PKHD1: variants seen among roughly 807,000 people sequenced by gnomAD.
PKHD1 encodes fibrocystin.
In PKHD1, 291 loss-of-function variants were observed where a neutral mutation model predicts 412.0. The ratio of observed to expected loss-of-function variants is 0.71; its 90% CI spans 0.64 to 0.78. PKHD1 has a LOEUF of 0.78. Among genes scored for constraint, PKHD1 ranks in the 30% least tolerant of loss-of-function variants. The pLI, the probability that PKHD1 is intolerant of heterozygous loss-of-function variation, is 0.00. For missense variants in PKHD1, 4,825 were observed against 4,950.7 expected, an observed-to-expected ratio of 0.97 and a Z score of 0.76; for synonymous variants, 1,777 against 1,821.5, an observed-to-expected ratio of 0.98 and a Z score of 0.62.
chr6:51,968,805 C>G (rs978567892), intron 35 of PKHD1, among the ~76,000 whole-genome samples: 1 of 152,152 alleles, frequency 6.6e-6, no homozygotes, highest in Non-Finnish European at 1.5e-5. Context: ...GCAGGAGAAA[C>G]GTTGCTTTCA....
chr6:52,019,309 G>A (rs558382885), intron 33 of PKHD1, among the ~76,000 whole-genome samples: 8 of 152,304 alleles, frequency 5.3e-5, no homozygotes, highest in Middle Eastern at 3.4e-3. Context: ...AGATAAGTAC[G>A]TGGGGGAGGG....
chr6:51,853,331 C>G (rs1195842470), intron 49 of PKHD1, among the ~76,000 whole-genome samples: 2 of 152,076 alleles, frequency 1.3e-5, no homozygotes, highest in Admixed American at 1.3e-4. Context: ...TCTCTGGCTG[C>G]CTTTAACAGT....
intron 35 of PKHD1, among the ~76,000 whole-genome samples, chr6:51,965,293 T>TGACCACAGTGGAGATGGCC (rs1168553587): frequency 6.6e-6 from 1 of 152,174 alleles, no homozygotes; most frequent in African/African-American, 2.4e-5. Context: ...ATTAGATGGC[T>TGACCACAGTGGAGATGGCC]GACCACAGTG....
At chr6:51,950,220 A>AAAAAAAATATATATATATATATATAT in intron 36 of PKHD1, among the ~76,000 whole-genome samples, 18 of 98,314 alleles carry the variant, frequency 1.8e-4, no homozygotes, top group Admixed American at 4.0e-4. Context: ...GAAAAAAAAA[A>AAAAAAAATATATATATATATATATAT]ATATATATAT....
intron 36 of PKHD1, among the ~76,000 whole-genome samples, chr6:51,952,173 A>AT (rs1447218963): frequency 1.3e-5 from 2 of 152,162 alleles, no homozygotes; most frequent in Non-Finnish European, 2.9e-5. Context: ...CTGGAGGTAA[A>AT]TAATGTAAGT....
At chr6:51,909,692 A>T (rs1452578364) in intron 39 of PKHD1, among the ~76,000 whole-genome samples, 4 of 152,092 alleles carry the variant, frequency 2.6e-5, no homozygotes, top group Non-Finnish European at 5.9e-5. Flanking sequence ...CTATTTTTTC[A>T]AGAAACTCCC....
intron 60 of PKHD1, among the ~76,000 whole-genome samples, chr6:51,737,718 G>A (rs1328769642): frequency 7.7e-6 from 1 of 129,492 alleles, no homozygotes; most frequent in African/African-American, 3.5e-5. Context: ...TATTGTTTGT[G>A]TGTGTGTGAG....
At chr6:51,859,508 A>G (rs1274928941) in intron 48 of PKHD1, among the ~76,000 whole-genome samples, 2 of 140,302 alleles carry the variant, frequency 1.4e-5, no homozygotes, top group Non-Finnish European at 3.0e-5. Flanking sequence ...CCTGGGCAAC[A>G]GAGCGAGATT....
rs533673582 is a variant in PKHD1 at position 51,841,395 on chromosome 6, TCTCTC to T, written c.8108-4931_8108-4927del. ...CCTTTCCTTTCTCCTCCTCTCCTCT[TCTCTC>T]CTCTCCTCTCCTTTCCTTCCTTTTC... On this transcript the variant is annotated intron_variant, in intron 50 of 66. Transcript: ENST00000371117. Among the ~76,000 whole-genome samples the T allele has an allele frequency of 8.9e-3, 1,353 of 151,898 alleles. 13 individuals carry two copies. The highest frequency in any genetic ancestry group is 0.013 in the Non-Finnish European group (857 of 67,852).
At chr6:51,791,213 G>T (rs372004627) in intron 53 of PKHD1, 23 bp downstream of exon 53, 2 of 1,609,942 alleles carry the variant, frequency 1.2e-6, no homozygotes, top group East Asian at 2.2e-5. Context: ...CAACATGCTC[G>T]CAATCCTTGT....
chr6:52,046,560 C>T (rs9474137), intron 23 of PKHD1, among the ~76,000 whole-genome samples: 46,942 of 152,042 alleles, frequency 0.31, 7,736 homozygotes, highest in East Asian at 0.43. Flanking sequence ...ATTTAGCTGG[C>T]CCTGTGAACA....
At chr6:51,941,242 T>C (rs1457126996) in intron 36 of PKHD1, among the ~76,000 whole-genome samples, 1 of 17,622 alleles carries the variant, frequency 5.7e-5, no homozygotes, top group African/African-American at 3.8e-4. Flanking sequence ...TGGCCTTTTT[T>C]TTTTTTTTTT....
At position 51,904,111 on chromosome 6, in the gene PKHD1, A is replaced by T. The variant is rs542680536; in HGVS notation, c.6809-69T>A. On this transcript the variant is annotated intron_variant, in intron 41 of 66. Transcript: ENST00000371117. ...TTAGGAAAACAAGAGATGCTGCAAC[A>T]CTACTTCTTTGGGTGTGGGTTGTTT... 9 of 1,005,106 alleles carry T rather than the reference A, an allele frequency of 9.0e-6. No homozygotes were observed. The African/African-American group carries it at 1.4e-4, about 16-fold the overall frequency. 62.3% of individuals were successfully genotyped at this position (1,005,106 alleles called of 1,614,324 possible).
chr6:51,695,496 G>T lies in PKHD1; in HGVS notation c.10157-35527C>A, dbSNP rs138366452. The stretch of plus-strand genomic sequence containing the variant: ...AGAGGAAGGAGAGGAGGAAGAAGAA[G>T]AAATCTTTAAGTCCATAGTTTATTA... On this transcript the variant is annotated intron_variant, in intron 60 of 66. Transcript: ENST00000371117. Among the ~76,000 whole-genome samples, 15 of 152,248 alleles carry T rather than the reference G, an allele frequency of 9.9e-5. No individual in the cohort carries two copies. In the East Asian group the frequency reaches 2.3e-3, roughly 24 times the overall value.
chr6:51,658,161 C>A (rs1201006077), intron 61 of PKHD1, among the ~76,000 whole-genome samples: 1 of 152,036 alleles, frequency 6.6e-6, no homozygotes, highest in Non-Finnish European at 1.5e-5. Context: ...ATATCCAAAA[C>A]TGAATAAATT....
At chr6:51,816,734 C>T (rs1020199697) in intron 52 of PKHD1, among the ~76,000 whole-genome samples, 1 of 152,236 alleles carries the variant, frequency 6.6e-6, no homozygotes, top group Non-Finnish European at 1.5e-5. Context: ...TTCTGTACCT[C>T]ATTCCTATTT....
At chr6:51,835,507 T>C (rs769523361) in intron 51 of PKHD1, among the ~76,000 whole-genome samples, 7 of 152,186 alleles carry the variant, frequency 4.6e-5, no homozygotes, top group Non-Finnish European at 8.8e-5. Flanking sequence ...CATTCCATCT[T>C]GCTCATCATG....
intron 65 of PKHD1, among the ~76,000 whole-genome samples, chr6:51,631,927 CTTTT>C (rs1277193806): frequency 2.9e-5 from 4 of 137,612 alleles, no homozygotes; most frequent in Non-Finnish European, 6.3e-5. Context: ...TCCCCGGATT[CTTTT>C]TTTTTTTCTT....
chr6:51,703,797 G>A (rs1242236580), intron 60 of PKHD1, among the ~76,000 whole-genome samples: 1 of 151,988 alleles, frequency 6.6e-6, no homozygotes, highest in Non-Finnish European at 1.5e-5. Flanking sequence ...ACTACATGAT[G>A]ACTTCAGCAT....
Sources: gnomAD v4.1 joint callset for allele counts (sites outside exome capture counted in the v4.1 genomes callset) on GRCh38, gnomAD v4.1.1 for gene constraint, MANE v1.5 for transcripts, NCBI Gene and HGNC (gene_info 2026-07-23, HGNC 2026-07-21) for gene names.